The following MAGI2 variants were observed in gnomAD, a reference collection of about 807,000 sequenced individuals.
MAGI2 encodes the protein membrane associated guanylate kinase, WW and PDZ domain containing 2.
MAGI2 carries 35 observed loss-of-function variants against 133.3 expected under a neutral mutation model. The observed-to-expected ratio is 0.26, with a 90% confidence interval of 0.20 to 0.35. MAGI2 has a LOEUF of 0.35. Ranked by LOEUF, MAGI2 falls within the 10% of genes least tolerant of loss-of-function variation. The pLI, the probability that MAGI2 is intolerant of heterozygous loss-of-function variation, is 1.00. For missense variants in MAGI2, 1,636 were observed against 1,863.4 expected (o/e 0.88, Z 2.25); for synonymous variants, 729 against 710.6 (o/e 1.03, Z -0.41).
chr7:78,588,658 T>C (rs1309687069), intron 3 of MAGI2, among the ~76,000 whole-genome samples: 3 of 152,182 alleles, frequency 2.0e-5, no homozygotes, highest in African/African-American at 4.8e-5. Context: ...ATTTGTGGAA[T>C]AGCAATGTAG....
At chr7:78,271,179 G>A (rs78334069) in intron 9 of MAGI2, among the ~76,000 whole-genome samples, 2 of 152,052 alleles carry the variant, frequency 1.3e-5, no homozygotes, top group Non-Finnish European at 2.9e-5. Context: ...TAGCATGAAG[G>A]GGTGTTGAAT....
chr7:79,324,910 G>A (rs989545306), intron 1 of MAGI2, among the ~76,000 whole-genome samples: 3 of 150,808 alleles, frequency 2.0e-5, no homozygotes, highest in Non-Finnish European at 3.0e-5. Context: ...ATTCCACTCA[G>A]GATAACTTAT....
intron 16 of MAGI2, among the ~76,000 whole-genome samples, chr7:78,137,938 GTGTATATATA>G (rs1822334096): frequency 6.6e-6 from 1 of 151,920 alleles, no homozygotes; most frequent in Non-Finnish European, 1.5e-5. Flanking sequence ...TAATATATGT[GTGTATATATA>G]TGTATATATA....
intron 2 of MAGI2, among the ~76,000 whole-genome samples, chr7:78,951,559 C>T (rs1467251811): frequency 2.0e-5 from 3 of 152,154 alleles, no homozygotes; most frequent in African/African-American, 7.2e-5. Context: ...CACTTTCCAA[C>T]AGGTCCCTCC....
intron 1 of MAGI2, among the ~76,000 whole-genome samples, chr7:79,204,558 C>T (rs958570431): frequency 2.6e-5 from 4 of 151,942 alleles, no homozygotes; most frequent in Non-Finnish European, 4.4e-5. Context: ...CCACAGGGAT[C>T]AAAAACAATC....
chr7:78,802,133 G>A (rs141120831), intron 2 of MAGI2, among the ~76,000 whole-genome samples: 45 of 152,168 alleles, frequency 3.0e-4, no homozygotes, highest in South Asian at 1.2e-3. Context: ...CCAGGCCTCC[G>A]TACCTACGAT....
At chr7:78,105,892 C>T (rs1818633405) in intron 20 of MAGI2, among the ~76,000 whole-genome samples, 1 of 152,054 alleles carries the variant, frequency 6.6e-6, no homozygotes, top group Non-Finnish European at 1.5e-5. Context: ...ATTTTTAAAA[C>T]TACAATCAAT....
At position 78,668,908 on chromosome 7, in the gene MAGI2, C is replaced by T. The variant is rs201732900; in HGVS notation, c.419-41669G>A. On this transcript the variant is annotated intron_variant, in intron 2 of 21. Coordinates refer to ENST00000354212, the MANE Select transcript of MAGI2 (RefSeq NM_012301.4). ...ACACAACATACCAGAATCTCTGGGA[C>T]GCATTCAAAGCAGTGCGCAGAGGGA... Among the ~76,000 whole-genome samples the T allele has an allele frequency of 1.1e-3, 172 of 151,880 alleles. 1 individual carries two copies. Among genetic ancestry groups the T allele is most frequent in the Middle Eastern group, 6.8e-3 (2 of 294 alleles).
chr7:79,290,443 A>T (rs1211380480), intron 1 of MAGI2, among the ~76,000 whole-genome samples: 1 of 151,732 alleles, frequency 6.6e-6, no homozygotes, highest in African/African-American at 2.4e-5. Context: ...GATATTATTC[A>T]CCTCTGTTCT....
intron 2 of MAGI2, among the ~76,000 whole-genome samples, chr7:78,825,500 T>G (rs1413326147): frequency 6.6e-6 from 1 of 152,226 alleles, no homozygotes; most frequent in Non-Finnish European, 1.5e-5. Context: ...TTCATACATT[T>G]CTCATTTGTG....
intron 1 of MAGI2, among the ~76,000 whole-genome samples, chr7:79,301,155 C>T (rs930524015): frequency 1.3e-5 from 2 of 152,206 alleles, no homozygotes; most frequent in Admixed American, 6.5e-5. Context: ...TTGGAGCCCC[C>T]ACACAGAGTT....
chr7:78,888,586 T>C (rs1796463854), intron 2 of MAGI2, among the ~76,000 whole-genome samples: 1 of 152,192 alleles, frequency 6.6e-6, no homozygotes, highest in African/African-American at 2.4e-5. Context: ...TCCGCTGTTC[T>C]TCAGCCTCCA....
intron 1 of MAGI2, among the ~76,000 whole-genome samples, chr7:79,272,451 A>G (rs1280339073): frequency 2.0e-5 from 3 of 152,134 alleles, no homozygotes; most frequent in Non-Finnish European, 4.4e-5. Context: ...AACGCTTAGC[A>G]TAATGAATTC....
In MAGI2 at chr7:79,453,421, A is replaced by C. The variant is rs10279502; in HGVS notation, c.-101T>G. ...GGAGCAAGGGGGCCCAGGGGGAAGA[A>C]CAGCAGACTTTGCCTTCGCCCCCCT... On this transcript the variant is annotated 5_prime_UTR_variant, in exon 1 of 22. Coordinates refer to ENST00000354212, the MANE Select transcript of MAGI2 (RefSeq NM_012301.4). 4,568 of 1,504,246 alleles carry C rather than the reference A, an allele frequency of 3.0e-3. 116 individuals carry two copies. The African/African-American group carries it at 0.056, about 18-fold the overall frequency. The allele number at this position is 1,504,246 out of a possible 1,614,324, so 93.2% of individuals were successfully genotyped here.
At chr7:79,095,515 G>A (rs1409016737) in intron 1 of MAGI2, among the ~76,000 whole-genome samples, 1 of 152,134 alleles carries the variant, frequency 6.6e-6, no homozygotes, top group African/African-American at 2.4e-5. Flanking sequence ...TAAAGTAAGA[G>A]ACATGTGACT....
intron 1 of MAGI2, among the ~76,000 whole-genome samples, chr7:79,255,073 G>A (rs544095696): frequency 1.3e-4 from 20 of 152,152 alleles, no homozygotes; most frequent in African/African-American, 4.3e-4. Context: ...TGTATGACAC[G>A]TATTTTTCTA....
intron 21 of MAGI2, among the ~76,000 whole-genome samples, chr7:78,046,137 T>C (rs1376617016): frequency 1.3e-5 from 2 of 151,742 alleles, no homozygotes; most frequent in Non-Finnish European, 2.9e-5. Context: ...GGCTCATGCC[T>C]GTCATCCCAG....
intron 1 of MAGI2, among the ~76,000 whole-genome samples, chr7:79,392,143 A>G (rs184590705): frequency 6.6e-6 from 1 of 152,278 alleles, no homozygotes; most frequent in Admixed American, 6.5e-5. Context: ...TTTGCTGAGA[A>G]TGATGGCTTC....
At chr7:78,568,522 T>C (rs1353424206) in intron 3 of MAGI2, among the ~76,000 whole-genome samples, 3 of 152,212 alleles carry the variant, frequency 2.0e-5, no homozygotes, top group African/African-American at 7.2e-5. Context: ...TCATCTTTCA[T>C]GTATTTTCTT....
Sources: gnomAD v4.1 joint callset for allele counts (sites outside exome capture counted in the v4.1 genomes callset) on GRCh38, gnomAD v4.1.1 for gene constraint, MANE v1.5 for transcripts, NCBI Gene and HGNC (gene_info 2026-07-23, HGNC 2026-07-21) for gene names.